Variants in MIPOL1 observed in about 807,000 individuals in gnomAD.
MIPOL1 encodes the protein mirror-image polydactyly gene 1 protein.
MIPOL1 carries 57 observed loss-of-function variants against 60.9 expected under a neutral mutation model. The observed-to-expected ratio is 0.94, with a 90% CI of 0.76 to 1.17. The LOEUF is 1.17. Ranked by LOEUF, MIPOL1 falls within the 50% of genes most tolerant of loss-of-function variation. MIPOL1 has a pLI of 0.00. For synonymous variants in MIPOL1, 179 were observed against 168.8 expected, an observed-to-expected ratio of 1.06 and a Z score of -0.47; for missense variants, 551 against 511.6, an observed-to-expected ratio of 1.08 and a Z score of -0.74.
chr14:37,377,745 C>CGT (rs1348624351), intron 10 of MIPOL1, among the ~76,000 whole-genome samples: 1 of 69,594 alleles, frequency 1.4e-5, no homozygotes, highest in Non-Finnish European at 2.9e-5. Context: ...TATTTTTATG[C>CGT]CTTTTTTTTT....
chr14:37,250,878 C>T (rs970200059), intron 3 of MIPOL1, among the ~76,000 whole-genome samples: 1 of 151,884 alleles, frequency 6.6e-6, no homozygotes, highest in South Asian at 2.1e-4. Flanking sequence ...TTTTTCCTAG[C>T]TTTACTGTAG....
At chr14:37,280,490 C>T (rs553409108) in intron 6 of MIPOL1, among the ~76,000 whole-genome samples, 26 of 152,208 alleles carry the variant, frequency 1.7e-4, no homozygotes, top group African/African-American at 4.1e-4. Flanking sequence ...TGTTATCTTT[C>T]GTGTTTTTGA....
intron 11 of MIPOL1, among the ~76,000 whole-genome samples, chr14:37,489,819 G>A (rs2095019878): frequency 6.6e-6 from 1 of 152,142 alleles, no homozygotes; most frequent in Non-Finnish European, 1.5e-5. Flanking sequence ...TCCCTCCTCT[G>A]GAAGCTTCGT....
At chr14:37,356,548 C>G (rs1848886853) in intron 9 of MIPOL1, among the ~76,000 whole-genome samples, 1 of 152,156 alleles carries the variant, frequency 6.6e-6, no homozygotes, top group African/African-American at 2.4e-5. Context: ...GCTGTGCTAG[C>G]AATCAGCGAG....
chr14:37,349,418 A>T (rs1447762091), intron 9 of MIPOL1, among the ~76,000 whole-genome samples: 1 of 152,154 alleles, frequency 6.6e-6, no homozygotes, highest in Non-Finnish European at 1.5e-5. Flanking sequence ...CTTTACAAGA[A>T]TCTCAAGGCT....
At chr14:37,422,241 C>T (rs757294136) in intron 10 of MIPOL1, among the ~76,000 whole-genome samples, 3 of 151,788 alleles carry the variant, frequency 2.0e-5, no homozygotes, top group African/African-American at 4.8e-5. Context: ...ACAATAATGC[C>T]CCTTTAATAA....
chr14:37,503,276 A>G (rs1432348026), intron 12 of MIPOL1: 2 of 152,146 alleles, frequency 1.3e-5, no homozygotes, highest in Admixed American at 6.5e-5. Context: ...TCACAAAGAT[A>G]CTCCTTGAGA....
At chr14:37,395,663 C>T (rs188446905) in intron 10 of MIPOL1, among the ~76,000 whole-genome samples, 2 of 151,960 alleles carry the variant, frequency 1.3e-5, no homozygotes, top group Admixed American at 1.3e-4. Flanking sequence ...TCTGGAGGAG[C>T]CTTTAGAGTT....
intron 9 of MIPOL1, among the ~76,000 whole-genome samples, chr14:37,323,222 T>G (rs2088799530): frequency 6.6e-6 from 1 of 152,196 alleles, no homozygotes; most frequent in Non-Finnish European, 1.5e-5. Flanking sequence ...ACACCATTTA[T>G]TATATAGGGA....
intron 9 of MIPOL1, among the ~76,000 whole-genome samples, chr14:37,360,998 C>T (rs1287172913): frequency 1.3e-5 from 2 of 152,302 alleles, no homozygotes; most frequent in East Asian, 3.9e-4. Flanking sequence ...AAATGTGTCC[C>T]AGAGATTCTG....
At chr14:37,364,353 A>T (rs535830096) in intron 9 of MIPOL1, among the ~76,000 whole-genome samples, 3 of 152,290 alleles carry the variant, frequency 2.0e-5, no homozygotes, top group Admixed American at 2.0e-4. Flanking sequence ...TAGTTTCATA[A>T]TCTGGAGTCT....
intron 3 of MIPOL1, among the ~76,000 whole-genome samples, chr14:37,255,424 A>G (rs1294790286): frequency 6.6e-6 from 1 of 151,788 alleles, no homozygotes; most frequent in African/African-American, 2.4e-5. Flanking sequence ...ATTTTTAAAA[A>G]GTTTCTTAAA....
intron 9 of MIPOL1, among the ~76,000 whole-genome samples, chr14:37,315,415 T>G (rs929961371): frequency 2.6e-5 from 4 of 152,182 alleles, no homozygotes; most frequent in African/African-American, 9.7e-5. Flanking sequence ...GGAGCAGATA[T>G]TGCATCTAAA....
intron 9 of MIPOL1, among the ~76,000 whole-genome samples, chr14:37,321,624 G>A (rs1202239321): frequency 6.6e-6 from 1 of 151,990 alleles, no homozygotes; most frequent in Admixed American, 6.6e-5. Flanking sequence ...TCCAGTTGTT[G>A]TGCATAGATG....
intron 9 of MIPOL1, among the ~76,000 whole-genome samples, chr14:37,321,578 C>T (rs548894412): frequency 3.3e-5 from 5 of 151,804 alleles, no homozygotes; most frequent in East Asian, 3.9e-4. Flanking sequence ...GTATTGTCTC[C>T]GTATGTTATT....
chr14:37,406,862 T>A (rs1307854760), intron 10 of MIPOL1, among the ~76,000 whole-genome samples: 2 of 152,102 alleles, frequency 1.3e-5, no homozygotes, highest in Non-Finnish European at 1.5e-5. Context: ...AGTGAAATAG[T>A]CAGTGGTTTT....
At chr14:37,470,627 C>T (rs1296211353) in intron 11 of MIPOL1, among the ~76,000 whole-genome samples, 1 of 152,096 alleles carries the variant, frequency 6.6e-6, no homozygotes, top group African/African-American at 2.4e-5. Context: ...AATTAAACCC[C>T]TTTTCTTACA....
chr14:37,334,685 A>G (rs2153456947), intron 9 of MIPOL1, among the ~76,000 whole-genome samples: 1 of 152,052 alleles, frequency 6.6e-6, no homozygotes, highest in South Asian at 2.1e-4. Context: ...ATTTATTTCC[A>G]CCAGCCCTAA....
intron 11 of MIPOL1, among the ~76,000 whole-genome samples, chr14:37,428,123 A>T (rs942505844): frequency 6.6e-6 from 1 of 152,220 alleles, no homozygotes; most frequent in Non-Finnish European, 1.5e-5. Context: ...ACAGGTAGCT[A>T]GAGCCTGGAG....
Sources: allele counts gnomAD v4.1 joint callset (sites outside exome capture counted in the v4.1 genomes callset), GRCh38; gene constraint gnomAD v4.1.1; transcripts MANE v1.5; gene names NCBI Gene and HGNC (gene_info 2026-07-23, HGNC 2026-07-21).